Variants in SLC9C1 observed in about 807,000 individuals in gnomAD.
SLC9C1 encodes sodium/hydrogen exchanger 10.
SLC9C1 carries 97 observed loss-of-function variants against 140.9 expected under a neutral mutation model. That is an observed-to-expected ratio of 0.69 (90% confidence interval 0.58 to 0.82). The LOEUF is 0.82. SLC9C1 is among the 40% of genes least tolerant of loss of function. SLC9C1 has a pLI of 0.00. For missense variants in SLC9C1, 1,340 were observed against 1,389.3 expected, an observed-to-expected ratio of 0.96 and a Z score of 0.56; for synonymous variants, 440 against 442.6, an observed-to-expected ratio of 0.99 and a Z score of 0.07.
intron 28 of SLC9C1, among the ~76,000 whole-genome samples, chr3:112,148,864 G>A (rs1208670487): frequency 6.6e-6 from 1 of 152,186 alleles, no homozygotes; most frequent in East Asian, 1.9e-4. Context: ...AATCCAGTGA[G>A]TGTCCACCAG....
chr3:112,150,456 G>C (rs2074925026), intron 28 of SLC9C1, among the ~76,000 whole-genome samples: 1 of 152,072 alleles, frequency 6.6e-6, no homozygotes, highest in African/African-American at 2.4e-5. Flanking sequence ...TTATGAGGTA[G>C]ATACTGTCAT....
At chr3:112,142,167 C>G (rs1231414548) in intron 28 of SLC9C1, among the ~76,000 whole-genome samples, 3 of 152,148 alleles carry the variant, frequency 2.0e-5, no homozygotes, top group Non-Finnish European at 2.9e-5. Context: ...CTTCTACCAG[C>G]AAAATATGAG....
intron 12 of SLC9C1, among the ~76,000 whole-genome samples, chr3:112,238,156 C>G (rs990243865): frequency 4.6e-5 from 7 of 152,182 alleles, no homozygotes; most frequent in Non-Finnish European, 1.5e-5. Context: ...TTGTTCATTT[C>G]TTTTTATTCT....
chr3:112,236,540 A>T (rs182579380), intron 12 of SLC9C1, among the ~76,000 whole-genome samples: 2 of 151,960 alleles, frequency 1.3e-5, no homozygotes. Flanking sequence ...TTGCTTCTCT[A>T]GTTCTTTTCA....
chr3:112,264,357 A>G lies in SLC9C1; in HGVS notation c.879-14T>C. 7.5e-7 allele frequency: 1 copy of G among 1,333,626 alleles called. No homozygotes were observed. Among genetic ancestry groups the G allele is most frequent in the Non-Finnish European group, 9.8e-7 (1 of 1,020,852 alleles). 82.6% of individuals were successfully genotyped at this position (1,333,626 alleles called of 1,614,324 possible). A position where few individuals can be genotyped will look rare whatever the true frequency, so the allele number is the denominator to read the frequency against. On this transcript the variant is annotated splice_polypyrimidine_tract_variant and intron_variant, in intron 8 of 28. Transcript: ENST00000305815. ...AAAGTCCAGAATCTGCATCATTCAGAAAAAATTAAAAATATTTATAATTAA... is the reference window on the plus strand; with the variant it reads ...AAAGTCCAGAATCTGCATCATTCAGGAAAAATTAAAAATATTTATAATTAA...
chr3:112,256,792 CAT>C (rs2079619101), intron 10 of SLC9C1, among the ~76,000 whole-genome samples: 1 of 152,114 alleles, frequency 6.6e-6, no homozygotes, highest in Non-Finnish European at 1.5e-5. Context: ...TTGCAGATGA[CAT>C]GATTCTGTAT....
intron 10 of SLC9C1, among the ~76,000 whole-genome samples, chr3:112,246,034 G>T (rs2079274009): frequency 6.6e-6 from 1 of 151,954 alleles, no homozygotes; most frequent in Non-Finnish European, 1.5e-5. Context: ...TTGACAAGAA[G>T]CAACCTTCCT....
Position 112,291,781 on chromosome 3 carries a change from A to G in SLC9C1, c.-88+2312T>C, listed in dbSNP as rs940763355. ...CCCATTACGGGGTATAAACACAAAG[A>G]AATGTAAACTGTTCTATCATAAAGA... On this transcript the variant is annotated intron_variant, in intron 1 of 28. Transcript: ENST00000305815. Among the ~76,000 whole-genome samples the G allele has an allele frequency of 3.3e-5, 5 of 152,298 alleles. No homozygotes were observed. The East Asian group carries it at 9.6e-4, about 29-fold the overall frequency.
At chr3:112,246,413 A>G (rs56275603) in intron 10 of SLC9C1, among the ~76,000 whole-genome samples, 8,266 of 152,280 alleles carry the variant, frequency 0.054, 272 homozygotes, top group South Asian at 0.089. Context: ...GATAAAATGT[A>G]CTTAAACGAT....
intron 5 of SLC9C1, among the ~76,000 whole-genome samples, chr3:112,276,565 T>C (rs139623543): frequency 6.6e-6 from 1 of 152,150 alleles, no homozygotes; most frequent in East Asian, 1.9e-4. Context: ...AATGGCAAGA[T>C]GGACAAAATT....
At chr3:112,211,497 C>A (rs2078203539) in intron 15 of SLC9C1, among the ~76,000 whole-genome samples, 1 of 152,210 alleles carries the variant, frequency 6.6e-6, no homozygotes, top group Non-Finnish European at 1.5e-5. Context: ...AAAATCGGGT[C>A]ACTCCCACCC....
At chr3:112,151,303 T>C in intron 28 of SLC9C1, 1 of 518,070 alleles carries the variant, frequency 1.9e-6, no homozygotes, top group Non-Finnish European at 3.9e-6. Flanking sequence ...TCCTCCTCAT[T>C]GTTCCCCAAA....
intron 12 of SLC9C1, among the ~76,000 whole-genome samples, chr3:112,237,482 A>T (rs1041805319): frequency 6.6e-6 from 1 of 152,086 alleles, no homozygotes; most frequent in Non-Finnish European, 1.5e-5. Context: ...GTTATGTGTG[A>T]ATTTGATCCT....
At chr3:112,235,540 T>C (rs147795797) in intron 12 of SLC9C1, among the ~76,000 whole-genome samples, 87,059 of 148,132 alleles carry the variant, frequency 0.59, 26,168 homozygotes, top group East Asian at 0.79. Context: ...AGAGGGCATC[T>C]CTGTCTTGTG....
intron 12 of SLC9C1, among the ~76,000 whole-genome samples, chr3:112,237,518 T>G (rs2079022881): frequency 6.6e-6 from 1 of 152,202 alleles, no homozygotes; most frequent in Non-Finnish European, 1.5e-5. Flanking sequence ...GCTGGTTATT[T>G]TGCTCGTTAG....
chr3:112,198,482 C>A (rs1034683784), intron 20 of SLC9C1, among the ~76,000 whole-genome samples: 1 of 151,604 alleles, frequency 6.6e-6, no homozygotes, highest in African/African-American at 2.4e-5. Context: ...ACTTGTCGTT[C>A]TTCTTTTGTT....
At chr3:112,180,732 C>A (rs2107955950) in intron 21 of SLC9C1, 70 bp from the exon 22 acceptor site, 4 of 1,322,714 alleles carry the variant, frequency 3.0e-6, no homozygotes, top group East Asian at 2.4e-5. Flanking sequence ...TTAAAATTTG[C>A]ATTTTTGTTA....
At chr3:112,173,881 T>A (rs2077289994) in intron 23 of SLC9C1, among the ~76,000 whole-genome samples, 1 of 152,272 alleles carries the variant, frequency 6.6e-6, no homozygotes, top group African/African-American at 2.4e-5. Flanking sequence ...ATGGCTGAAC[T>A]AATTTACATT....
chr3:112,184,508 TG>T (rs2077495795), intron 20 of SLC9C1, among the ~76,000 whole-genome samples: 1 of 150,376 alleles, frequency 6.6e-6, no homozygotes, highest in Admixed American at 6.6e-5. Context: ...TGGTGGTGCT[TG>T]CCTGTAATCC....
Sources: gnomAD v4.1 joint callset for allele counts (sites outside exome capture counted in the v4.1 genomes callset) on GRCh38, gnomAD v4.1.1 for gene constraint, MANE v1.5 for transcripts, NCBI Gene and HGNC (gene_info 2026-07-23, HGNC 2026-07-21) for gene names.